RARB: variants seen among roughly 807,000 people sequenced by gnomAD.
The protein encoded by RARB is HBV-activated protein.
RARB carries 17 observed loss-of-function variants against 51.9 expected under a neutral mutation model. That is an observed-to-expected ratio of 0.33 (90% CI 0.22 to 0.49). The LOEUF is 0.49. Ranked by LOEUF, RARB falls within the 20% of genes least tolerant of loss-of-function variation. The probability of loss-of-function intolerance (pLI) is 0.99; values close to 1 mark genes in which losing one functional copy is unlikely to be tolerated. For missense variants in RARB, 369 were observed against 550.8 expected, an observed-to-expected ratio of 0.67 and a Z score of 3.30; for synonymous variants, 215 against 195.4, an observed-to-expected ratio of 1.10 and a Z score of -0.84.
chr3:25,052,483 A>T (rs1698351802), intron 2 of RARB, among the ~76,000 whole-genome samples: 2 of 152,260 alleles, frequency 1.3e-5, no homozygotes, highest in Admixed American at 6.5e-5. Context: ...TGTACTAAAA[A>T]TTGTTTTTTC....
chr3:25,442,848 A>T (rs953877420), intron 1 of RARB, among the ~76,000 whole-genome samples: 1 of 152,204 alleles, frequency 6.6e-6, no homozygotes, highest in Non-Finnish European at 1.5e-5. Context: ...CAATCAAATC[A>T]TGGAGACATA....
intron 2 of RARB, among the ~76,000 whole-genome samples, chr3:24,989,364 C>G (rs1406690845): frequency 6.6e-6 from 1 of 152,134 alleles, no homozygotes; most frequent in Admixed American, 6.5e-5. Context: ...CAGGTAAATA[C>G]TTGAAAGTAG....
chr3:25,108,842 G>C (rs145861277), intron 3 of RARB, among the ~76,000 whole-genome samples: 1 of 152,130 alleles, frequency 6.6e-6, no homozygotes, highest in East Asian at 1.9e-4. Context: ...ACTATCACTT[G>C]AAAATTAGTC....
At chr3:25,286,005 T>C (rs1199239218) in intron 5 of RARB, among the ~76,000 whole-genome samples, 1 of 151,962 alleles carries the variant, frequency 6.6e-6, no homozygotes, top group African/African-American at 2.4e-5. Flanking sequence ...CTTATTTTCC[T>C]TAAACCATTT....
chr3:25,447,477 G>A (rs900945723), intron 1 of RARB, among the ~76,000 whole-genome samples: 8 of 152,122 alleles, frequency 5.3e-5, no homozygotes, highest in Admixed American at 3.9e-4. Context: ...TGTATCAAGG[G>A]GTCTGGTCCC....
chr3:25,260,594 A>G (rs757025398), intron 5 of RARB, among the ~76,000 whole-genome samples: 14 of 152,108 alleles, frequency 9.2e-5, no homozygotes, highest in Non-Finnish European at 1.8e-4. Context: ...ATAAACTGCA[A>G]CCCAACCCCA....
intron 5 of RARB, among the ~76,000 whole-genome samples, chr3:25,238,544 G>A (rs1410206798): frequency 6.6e-6 from 1 of 152,138 alleles, no homozygotes; most frequent in East Asian, 1.9e-4. Flanking sequence ...TTGCTGGATT[G>A]TATAGTAGTT....
At chr3:25,452,680 A>G (rs1709246202) in intron 1 of RARB, among the ~76,000 whole-genome samples, 1 of 152,098 alleles carries the variant, frequency 6.6e-6, no homozygotes, top group Non-Finnish European at 1.5e-5. Flanking sequence ...GGGTTTGGTG[A>G]GATAATAGTA....
At chr3:25,198,696 C>A (rs1701308246) in intron 5 of RARB, among the ~76,000 whole-genome samples, 1 of 151,918 alleles carries the variant, frequency 6.6e-6, no homozygotes. Flanking sequence ...AGGTGGCCAA[C>A]CTTACTGAGC....
Position 25,116,474 on chromosome 3 carries a change from G to C in RARB, c.-327-15687G>C, listed in dbSNP as rs191411121. 1.3e-3 allele frequency among the ~76,000 whole-genome samples: 195 copies of C among 152,150 alleles called. 1 individual carries two copies. Among genetic ancestry groups the C allele is most frequent in the Non-Finnish European group, 2.1e-3 (145 of 67,994 alleles). On this transcript the variant is annotated intron_variant, in intron 3 of 11. Coordinates refer to the RARB transcript ENST00000383772. ...AATATAGGAAAATAAAGGAAAGCCAGGATACCTGTTTGTCCATCCTCGGTC... is the reference window on the plus strand; with the variant it reads ...AATATAGGAAAATAAAGGAAAGCCACGATACCTGTTTGTCCATCCTCGGTC...
At chr3:25,113,114 T>A (rs1348984390) in intron 3 of RARB, among the ~76,000 whole-genome samples, 1 of 152,206 alleles carries the variant, frequency 6.6e-6, no homozygotes, top group African/African-American at 2.4e-5. Context: ...TTTGTTCTGA[T>A]TTTTTTCTTC....
intron 5 of RARB, among the ~76,000 whole-genome samples, chr3:25,379,754 A>G (rs767574892): frequency 1.3e-5 from 2 of 152,204 alleles, no homozygotes; most frequent in Non-Finnish European, 2.9e-5. Context: ...TTACATTATA[A>G]CATCTCTCAA....
chr3:25,048,602 T>C (rs1389668271), intron 2 of RARB, among the ~76,000 whole-genome samples: 1 of 152,210 alleles, frequency 6.6e-6, no homozygotes, highest in African/African-American at 2.4e-5. Flanking sequence ...CTTTTTGTGA[T>C]GGCAGAAAAT....
chr3:25,093,026 C>A (rs2125317671), intron 3 of RARB, among the ~76,000 whole-genome samples: 1 of 152,244 alleles, frequency 6.6e-6, no homozygotes, highest in African/African-American at 2.4e-5. Context: ...ACTTAGAGCA[C>A]AGGTGTTGCT....
rs17015487 is a variant in RARB at position 24,929,725 on chromosome 3, C to T, written c.-380+70973C>T. Reference sequence around the variant, plus strand: ...CTTTTTATCTGGTCTCTGAGATCTGCCCCCTAGCACTTCTAGAGGGAGCAG... The same window carrying T: ...CTTTTTATCTGGTCTCTGAGATCTGTCCCCTAGCACTTCTAGAGGGAGCAG... On this transcript the variant is annotated intron_variant, in intron 2 of 11. Coordinates refer to the RARB transcript ENST00000383772. Among the ~76,000 whole-genome samples, 803 of 152,140 alleles carry T rather than the reference C, an allele frequency of 5.3e-3. 7 individuals carry two copies. The highest frequency in any genetic ancestry group is 0.018 in the African/African-American group (768 of 41,532).
intron 3 of RARB, among the ~76,000 whole-genome samples, chr3:25,066,511 A>G (rs1056607346): frequency 6.6e-6 from 1 of 152,176 alleles, no homozygotes; most frequent in Admixed American, 6.5e-5. Flanking sequence ...TTCAACTTCT[A>G]GAACTCCTGC....
At chr3:25,338,409 T>G (rs1705128095) in intron 5 of RARB, among the ~76,000 whole-genome samples, 1 of 152,172 alleles carries the variant, frequency 6.6e-6, no homozygotes, top group African/African-American at 2.4e-5. Flanking sequence ...CTAAATTGAA[T>G]GGGTGAAGAG....
intron 5 of RARB, among the ~76,000 whole-genome samples, chr3:25,239,635 C>T (rs1197394283): frequency 6.6e-6 from 1 of 151,992 alleles, no homozygotes; most frequent in African/African-American, 2.4e-5. Context: ...ATTTCTGGGT[C>T]CTCTATTCTG....
intron 3 of RARB, among the ~76,000 whole-genome samples, chr3:25,556,919 C>T (rs896701754): frequency 2.0e-5 from 3 of 152,170 alleles, no homozygotes; most frequent in Non-Finnish European, 4.4e-5. Context: ...TGGAATTTCT[C>T]TCATCTTTGC....
Sources: allele counts gnomAD v4.1 joint callset (sites outside exome capture counted in the v4.1 genomes callset), GRCh38; gene constraint gnomAD v4.1.1; transcripts MANE v1.5; gene names NCBI Gene and HGNC (gene_info 2026-07-23, HGNC 2026-07-21).